Variants in FGF13 observed in about 807,000 individuals in gnomAD.
The protein encoded by FGF13 is fibroblast growth factor homologous factor 2.
In FGF13, 2 loss-of-function variants were observed where a neutral mutation model predicts 19.5. The ratio of observed to expected loss-of-function variants is 0.10; its 90% CI spans 0.04 to 0.32. The LOEUF is 0.32. Ranked by LOEUF, FGF13 falls within the 10% of genes least tolerant of loss-of-function variation. The probability of loss-of-function intolerance (pLI) is 1.00; values close to 1 mark genes in which losing one functional copy is unlikely to be tolerated. For synonymous variants in FGF13, 72 were observed against 76.9 expected, an observed-to-expected ratio of 0.94 and a Z score of 0.33; for missense variants, 113 against 192.7, an observed-to-expected ratio of 0.59 and a Z score of 2.45.
intron 1 of FGF13, among the ~76,000 whole-genome samples, chrX:138,972,418 G>T (rs1436509106): frequency 2.9e-5 from 3 of 104,034 alleles, no homozygotes; most frequent in Non-Finnish European, 5.9e-5. Context: ...GTGCAGTGGC[G>T]CGACCTCGGC....
At chrX:138,667,154 T>C (rs1164597499) in intron 3 of FGF13, among the ~76,000 whole-genome samples, 1 of 107,742 alleles carries the variant, frequency 9.3e-6, no homozygotes, top group Non-Finnish European at 1.9e-5. Context: ...TTTATACATA[T>C]ATATAAAATA....
intron 1 of FGF13, among the ~76,000 whole-genome samples, chrX:138,722,970 A>G (rs989306010): frequency 8.9e-6 from 1 of 111,768 alleles, no homozygotes; most frequent in African/African-American, 3.2e-5. Flanking sequence ...TCCAAATCTC[A>G]TAACAACCTT....
chrX:139,195,173 G>A (rs1341183384), intron 1 of FGF13, among the ~76,000 whole-genome samples: 9 of 33 alleles, frequency 0.27, no homozygotes, highest in Non-Finnish European at 0.3. Context: ...CTTTCAGCGC[G>A]ATCGTCGGTT....
At chrX:138,942,142 T>C (rs1047931564) in intron 1 of FGF13, among the ~76,000 whole-genome samples, 61 of 112,115 alleles carry the variant, frequency 5.4e-4, no homozygotes, top group Admixed American at 3.8e-4. Flanking sequence ...ATTATCTCAT[T>C]TGATCCATAC....
intron 3 of FGF13, among the ~76,000 whole-genome samples, chrX:138,820,674 G>A (rs191668078): frequency 1.6e-3 from 183 of 112,063 alleles, no homozygotes; most frequent in African/African-American, 5.6e-3. Flanking sequence ...TGAAGGTAAC[G>A]CAGTGGAAAA....
intron 1 of FGF13, among the ~76,000 whole-genome samples, chrX:138,728,997 G>T (rs2090207158): frequency 9.0e-6 from 1 of 111,391 alleles, no homozygotes; most frequent in African/African-American, 3.3e-5. Context: ...AGAGTAGATT[G>T]ATCCCAAACA....
At chrX:138,855,620 C>T (rs1440178103), downstream of FGF13, among the ~76,000 whole-genome samples, 5 of 111,491 alleles carry the variant, frequency 4.5e-5, no homozygotes, top group African/African-American at 1.3e-4. Flanking sequence ...ATGGCAACAG[C>T]TCAATATGTG....
At chrX:139,069,427 C>A (rs1355813713) in intron 1 of FGF13, among the ~76,000 whole-genome samples, 1 of 78,584 alleles carries the variant, frequency 1.3e-5, no homozygotes, top group Non-Finnish European at 2.4e-5. Context: ...ATCACATGGA[C>A]ACAGGAAGGG....
rs779693098 is a variant in FGF13 at position 138,866,809 on chromosome X, A to T, written c.-112-2159T>A. ...AGGTTCTGAAGCGACTGCTATGCAC[A>T]TTAAAGTTGGAGATGCACATTGCAC... On this transcript the variant is annotated intron_variant, in intron 1 of 2. Coordinates refer to the FGF13 transcript ENST00000421460. Among the ~76,000 whole-genome samples, 174 of 112,166 alleles carry T rather than the reference A, an allele frequency of 1.6e-3. 1 individual carries two copies. Among genetic ancestry groups the T allele is most frequent in the Non-Finnish European group, 2.7e-3 (144 of 53,307 alleles).
At chrX:139,028,616 TGAGAGA>T (rs769711673) in intron 1 of FGF13, among the ~76,000 whole-genome samples, 14 of 74,311 alleles carry the variant, frequency 1.9e-4, no homozygotes, top group Admixed American at 8.7e-4. Context: ...TGTGTGTGTG[TGAGAGA>T]GAGAGAGAGA....
upstream of FGF13, chrX:138,739,474 T>C (rs1200293218): frequency 3.0e-6 from 1 of 332,312 alleles, no homozygotes; most frequent in Admixed American, 5.7e-5. Flanking sequence ...AGATCATTAA[T>C]GATTCATCAT....
At chrX:138,726,732 G>A (rs2090188863) in intron 1 of FGF13, among the ~76,000 whole-genome samples, 1 of 111,910 alleles carries the variant, frequency 8.9e-6, no homozygotes, top group Non-Finnish European at 1.9e-5. Flanking sequence ...AAGAATAATA[G>A]CAAATACTTA....
At chrX:139,110,630 C>G (rs1470832007) in intron 1 of FGF13, among the ~76,000 whole-genome samples, 1 of 111,793 alleles carries the variant, frequency 8.9e-6, no homozygotes, top group Admixed American at 9.5e-5. Flanking sequence ...ATGTCTTTAT[C>G]AGCAGCATGA....
intron 3 of FGF13, among the ~76,000 whole-genome samples, chrX:138,810,439 T>C (rs1210042401): frequency 1.8e-5 from 2 of 111,145 alleles, no homozygotes; most frequent in African/African-American, 3.3e-5. Flanking sequence ...ATACAAAAAT[T>C]AATTCAAGAT....
chrX:138,986,929 T>C (rs374861263), intron 1 of FGF13, among the ~76,000 whole-genome samples: 1 of 112,435 alleles, frequency 8.9e-6, no homozygotes. Flanking sequence ...CATCTCTTCA[T>C]ACCAAATATT....
chrX:139,129,551 C>G (rs1156963894), intron 1 of FGF13, among the ~76,000 whole-genome samples: 6 of 111,133 alleles, frequency 5.4e-5, no homozygotes, highest in Admixed American at 9.6e-5. Context: ...GAGACAGGCC[C>G]CAAAAGATGA....
At chrX:139,048,105 C>T (rs777360087) in intron 1 of FGF13, among the ~76,000 whole-genome samples, 4 of 110,888 alleles carry the variant, frequency 3.6e-5, no homozygotes, top group South Asian at 7.6e-4. Flanking sequence ...ATTTTTATAC[C>T]GTTTTCTAAT....
At chrX:138,938,194 A>G (rs371669511) in intron 1 of FGF13, among the ~76,000 whole-genome samples, 1 of 111,975 alleles carries the variant, frequency 8.9e-6, no homozygotes, top group East Asian at 2.8e-4. Context: ...ACAGCAGTCA[A>G]CAGATGGATG....
chrX:139,113,788 G>C (rs1320912578), intron 1 of FGF13, among the ~76,000 whole-genome samples: 1 of 111,804 alleles, frequency 8.9e-6, no homozygotes, highest in Non-Finnish European at 1.9e-5. Flanking sequence ...CTAAATGCTT[G>C]ACTTGGCCAA....
Sources: gnomAD v4.1 joint callset for allele counts (sites outside exome capture counted in the v4.1 genomes callset) on GRCh38, gnomAD v4.1.1 for gene constraint, MANE v1.5 for transcripts, NCBI Gene and HGNC (gene_info 2026-07-23, HGNC 2026-07-21) for gene names.